Variants in AKAP6 observed in about 807,000 individuals in gnomAD.
AKAP6 encodes A-kinase anchor protein 6.
In AKAP6, 58 loss-of-function variants were observed where a neutral mutation model predicts 188.5. That is an observed-to-expected ratio of 0.31 (90% CI 0.25 to 0.38). The LOEUF (loss-of-function observed/expected upper bound fraction) is 0.38, where lower values mean the gene tolerates loss of function less well. Among genes scored for constraint, AKAP6 ranks in the 10% least tolerant of loss-of-function variants. The pLI is 1.00. For synonymous variants in AKAP6, 989 were observed against 998.6 expected (o/e 0.99, Z 0.18); for missense variants, 2,710 against 2,740.0 (o/e 0.99, Z 0.24).
intron 4 of AKAP6, among the ~76,000 whole-genome samples, chr14:32,565,633 A>G (rs1357108602): frequency 1.3e-5 from 2 of 152,240 alleles, no homozygotes; most frequent in African/African-American, 4.8e-5. Flanking sequence ...CTAAGAAGCC[A>G]ATCAGATTCT....
At position 32,399,338 on chromosome 14, in the gene AKAP6, A is replaced by G. The variant is rs185246986; in HGVS notation, c.-34-34122A>G. Reference sequence around the variant, plus strand: ...TTGTGAAGTATCATAAAATATAACTATTAAGCTGAGAGGTTAAAACATGAT... The same window carrying G: ...TTGTGAAGTATCATAAAATATAACTGTTAAGCTGAGAGGTTAAAACATGAT... On this transcript the variant is annotated intron_variant, in intron 1 of 13. Transcript: ENST00000280979. Among the ~76,000 whole-genome samples the G allele has an allele frequency of 6.6e-5, 10 of 152,314 alleles. No homozygotes were observed. The East Asian group carries it at 1.7e-3, about 26-fold the overall frequency.
intron 1 of AKAP6, among the ~76,000 whole-genome samples, chr14:32,430,251 T>A (rs908680149): frequency 6.6e-6 from 1 of 152,086 alleles, no homozygotes; most frequent in East Asian, 1.9e-4. Context: ...TTAGGGCAAA[T>A]GGGATCCTAT....
In AKAP6 at chr14:32,460,133, G is replaced by C. The variant is rs183512209; in HGVS notation, c.324+26316G>C. The stretch of plus-strand genomic sequence containing the variant: ...TGTCAATTTCCAGGAGAATTGGACA[G>C]AGAGAGAGGGGAATGTGAATTAGTG... On this transcript the variant is annotated intron_variant, in intron 2 of 13. Transcript: ENST00000280979. Among the ~76,000 whole-genome samples the C allele has an allele frequency of 2.4e-4, 37 of 152,270 alleles. 1 individual carries two copies. In the East Asian group the frequency reaches 6.2e-3, roughly 25 times the overall value.
chr14:32,609,163 A>G (rs1395252260), intron 7 of AKAP6, among the ~76,000 whole-genome samples: 5 of 152,010 alleles, frequency 3.3e-5, no homozygotes, highest in Non-Finnish European at 7.4e-5. Context: ...AAATGTACAC[A>G]CACCTGCACT....
At chr14:32,345,333 T>TC (rs1353061379) in intron 1 of AKAP6, among the ~76,000 whole-genome samples, 1 of 152,216 alleles carries the variant, frequency 6.6e-6, no homozygotes, top group Non-Finnish European at 1.5e-5. Flanking sequence ...GGGGTAACTC[T>TC]CAAGGAACAA....
intron 4 of AKAP6, among the ~76,000 whole-genome samples, chr14:32,571,823 A>T (rs547979223): frequency 6.6e-6 from 1 of 152,320 alleles, no homozygotes; most frequent in African/African-American, 2.4e-5. Context: ...AGTCAAGCCC[A>T]TCTGTAATTG....
At position 32,545,247 on chromosome 14, in the gene AKAP6, A is replaced by G. The variant is rs1444501100; in HGVS notation, c.594A>G (p.Leu198=). The G allele has an allele frequency of 6.2e-7, 1 of 1,612,924 alleles. No homozygotes were observed. Among genetic ancestry groups the G allele is most frequent in the Non-Finnish European group, 8.5e-7 (1 of 1,179,034 alleles). The change falls in exon 4 of 14, where the codon CTA becomes CTG. Residue 198 remains leucine (L), a synonymous_variant. Transcript: ENST00000280979. ...TGTTTCAGGGCCGGCTTGATTCTCTAACAGAAGTGGATGACTCAGGACAAT... is the reference window on the plus strand; with the variant it reads ...TGTTTCAGGGCCGGCTTGATTCTCTGACAGAAGTGGATGACTCAGGACAAT... ...EETKEGRLDS[L]TEVDDSGQLT...
chr14:32,783,193 T>C (rs755718794), intron 12 of AKAP6, among the ~76,000 whole-genome samples: 1 of 152,116 alleles, frequency 6.6e-6, no homozygotes, highest in Non-Finnish European at 1.5e-5. Flanking sequence ...CCTGGAACAA[T>C]TGAATTTCCA....
chr14:32,476,082 T>A (rs1879053037), intron 2 of AKAP6, among the ~76,000 whole-genome samples: 1 of 152,022 alleles, frequency 6.6e-6, no homozygotes, highest in Non-Finnish European at 1.5e-5. Flanking sequence ...ACCTTTAAAT[T>A]TTCATGTTTA....
In AKAP6 at chr14:32,599,453, C is replaced by T. The variant is rs1476358108; in HGVS notation, c.2513C>T (p.Ala838Val). 4 of 1,613,320 alleles carry T rather than the reference C, an allele frequency of 2.5e-6. No individual in the cohort carries two copies. The highest frequency in any genetic ancestry group is 3.4e-6 in the Non-Finnish European group (4 of 1,179,558). The part of the protein sequence containing the change: ...NVDSHCALKE[A>V]VEEEGHQLLE... ...GACAGTCATTGTGCTCTCAAGGAAG[C>T]TGTGGAGGAGGAAGGACACCAACTT... The change falls in exon 6 of 14, where the codon GCT becomes GTT. Residue 838 changes from alanine (A) to valine (V), a missense_variant. Coordinates refer to ENST00000280979, the MANE Select transcript of AKAP6 (RefSeq NM_004274.5).
intron 9 of AKAP6, among the ~76,000 whole-genome samples, chr14:32,716,286 T>C (rs887670886): frequency 6.6e-6 from 1 of 151,864 alleles, no homozygotes; most frequent in Non-Finnish European, 1.5e-5. Context: ...GTAGTATTAA[T>C]AGGTAATATC....
At chr14:32,572,871 A>G (rs746501317) in intron 4 of AKAP6, among the ~76,000 whole-genome samples, 2 of 152,212 alleles carry the variant, frequency 1.3e-5, no homozygotes, top group Non-Finnish European at 2.9e-5. Context: ...TATGCTGACA[A>G]CCACTGGTAG....
chr14:32,802,495 A>G (rs2033977257), intron 12 of AKAP6, among the ~76,000 whole-genome samples: 1 of 152,218 alleles, frequency 6.6e-6, no homozygotes, highest in Non-Finnish European at 1.5e-5. Flanking sequence ...GTCATTTGCT[A>G]TTTGTTTACT....
chr14:32,727,862 C>T (rs2030949605), intron 9 of AKAP6, among the ~76,000 whole-genome samples: 1 of 152,170 alleles, frequency 6.6e-6, no homozygotes, highest in South Asian at 2.1e-4. Flanking sequence ...TTGTCTTGGG[C>T]TTGAACCCTT....
intron 5 of AKAP6, among the ~76,000 whole-genome samples, chr14:32,595,527 G>C (rs1381646116): frequency 2.0e-5 from 3 of 152,126 alleles, no homozygotes; most frequent in African/African-American, 7.2e-5. Flanking sequence ...TTTTATGTTA[G>C]AGACACAGTC....
intron 1 of AKAP6, among the ~76,000 whole-genome samples, chr14:32,419,126 T>C (rs1270555259): frequency 6.6e-6 from 1 of 152,168 alleles, no homozygotes; most frequent in Non-Finnish European, 1.5e-5. Flanking sequence ...ATATTTGAAA[T>C]AATAGGTTCT....
intron 9 of AKAP6, among the ~76,000 whole-genome samples, chr14:32,716,727 C>T (rs902233935): frequency 6.7e-6 from 1 of 149,652 alleles, no homozygotes; most frequent in Non-Finnish European, 1.5e-5. Flanking sequence ...AATGACTTCA[C>T]CCTGATGTGT....
At chr14:32,792,584 T>C (rs2033642590) in intron 12 of AKAP6, among the ~76,000 whole-genome samples, 1 of 152,202 alleles carries the variant, frequency 6.6e-6, no homozygotes, top group Admixed American at 6.5e-5. Context: ...TTTGACTTCC[T>C]CCCTTACTGT....
In AKAP6 at chr14:32,771,339, AG is replaced by A. The variant is rs201939827; in HGVS notation, c.3373-2337del. Among the ~76,000 whole-genome samples, 279 of 93,030 alleles carry A rather than the reference AG, an allele frequency of 3.0e-3. 2 individuals are homozygous for A. The highest frequency in any genetic ancestry group is 0.011 in the African/African-American group (253 of 23,708). 61.0% of individuals were successfully genotyped at this position (93,030 alleles called of 152,430 possible). A position where few individuals can be genotyped will look rare whatever the true frequency, so the allele number is the denominator to read the frequency against. ...TAGACTAAGCCCTGTGTTCATTTAA[AG>A]GAAAAAAAAAAAAAACCCTGCAGAA... On this transcript the variant is annotated intron_variant, in intron 11 of 13. Coordinates refer to ENST00000280979, the MANE Select transcript of AKAP6 (RefSeq NM_004274.5).
Sources: gnomAD v4.1 joint callset for allele counts (sites outside exome capture counted in the v4.1 genomes callset) on GRCh38, gnomAD v4.1.1 for gene constraint, MANE v1.5 for transcripts, NCBI Gene and HGNC (gene_info 2026-07-23, HGNC 2026-07-21) for gene names.